The following PCNX2 variants were observed in gnomAD, a reference collection of about 807,000 sequenced individuals.
PCNX2 encodes pecanex-like protein 2.
Under a neutral mutation model 223.8 loss-of-function variants are expected in PCNX2, and 168 were observed. The observed-to-expected ratio is 0.75, with a 90% CI of 0.66 to 0.85. PCNX2 has a LOEUF of 0.85. PCNX2 is among the 40% of genes least tolerant of loss of function. The probability of loss-of-function intolerance (pLI) is 0.00; values close to 1 mark genes in which losing one functional copy is unlikely to be tolerated. For missense variants in PCNX2, 2,507 were observed against 2,675.5 expected, an observed-to-expected ratio of 0.94 and a Z score of 1.39; for synonymous variants, 1,006 against 1,052.6, an observed-to-expected ratio of 0.96 and a Z score of 0.86.
chr1:233,258,893 C>T lies in PCNX2; in HGVS notation c.969G>A (p.Val323=). 3 of 1,613,924 alleles carry T rather than the reference C, an allele frequency of 1.9e-6. No homozygotes were observed. Among genetic ancestry groups the T allele is most frequent in the South Asian group, 2.2e-5 (2 of 91,084 alleles). The part of the protein sequence containing the change: ...PQCDTIVAKP[V]EEPADTSCQV... ...GACAGGATGTGTCTGCTGGCTCCTC[C>T]ACAGGCTTGGCCACGATGGTGTCAC... Residue 323 remains valine (V), a synonymous_variant, in exon 5 of 34, where the codon GTG becomes GTA. Coordinates refer to ENST00000258229, the MANE Select transcript of PCNX2 (RefSeq NM_014801.4).
In PCNX2 at chr1:233,253,275, T is replaced by C. The variant is rs1003209777; in HGVS notation, c.1835-487A>G. ...CTGAATTTTCAAGCTAAAGCTAGAA[T>C]TGTCCCCTTCATAAAGCAAATACTT... is the stretch of plus-strand genomic sequence containing the variant. On this transcript the variant is annotated intron_variant, in intron 5 of 33. Coordinates refer to ENST00000258229, the MANE Select transcript of PCNX2 (RefSeq NM_014801.4). This position sits in a 1 kb window ranked among gnomAD's most constrained non-coding sequence, Gnocchi z 4.2. Among the ~76,000 whole-genome samples, 3 of 152,232 alleles carry C rather than the reference T, an allele frequency of 2.0e-5. No individual in the cohort carries two copies. Among genetic ancestry groups the C allele is most frequent in the East Asian group, 3.9e-4 (2 of 5,194 alleles).
chr1:233,179,021 T>TG (rs375555192), intron 16 of PCNX2, 45 bp downstream of exon 16: 4 of 1,553,722 alleles, frequency 2.6e-6, no homozygotes, highest in African/African-American at 2.7e-5. Flanking sequence ...GCAGGAACTA[T>TG]GCCCCCAGCT....
rs565642084 is a variant in PCNX2 at position 233,118,487 on chromosome 1, C to A, written c.3837+16526G>T. 1.2e-4 allele frequency among the ~76,000 whole-genome samples: 9 copies of A among 77,396 alleles called. No homozygotes were observed. In the South Asian group the frequency reaches 3.9e-3, roughly 33 times the overall value. The allele number at this position is 77,396 out of a possible 152,430, so 50.8% of individuals were successfully genotyped here. A position where few individuals can be genotyped will look rare whatever the true frequency, so the allele number is the denominator to read the frequency against. ...TACCTACATAGAAAATCTCAAGGCA[C>A]CTACAAAAAAAAAAAAAAAAAAAAC... On this transcript the variant is annotated intron_variant, in intron 21 of 33. Transcript: ENST00000258229.
chr1:233,219,771 A>C (rs1336145044), intron 10 of PCNX2, among the ~76,000 whole-genome samples: 1 of 152,084 alleles, frequency 6.6e-6, no homozygotes, highest in Non-Finnish European at 1.5e-5. Context: ...TGATGAACCA[A>C]CATTAACACA....
chr1:233,295,998 C>CTTTTTTTTTTT (rs201102619), upstream of PCNX2, among the ~76,000 whole-genome samples: 6 of 96,884 alleles, frequency 6.2e-5, no homozygotes, highest in East Asian at 8.9e-4. The surrounding 1 kb of genome is among the most constrained non-coding windows in gnomAD (Gnocchi z 4.1). Context: ...TTCTTTCTTT[C>CTTTTTTTTTTT]TTTCTTTTTT....
chr1:233,223,494 T>C (rs1360546478), intron 10 of PCNX2, among the ~76,000 whole-genome samples: 1 of 152,180 alleles, frequency 6.6e-6, no homozygotes, highest in Non-Finnish European at 1.5e-5. Flanking sequence ...GTGCAGAACG[T>C]GCAGGTTTTT....
At chr1:233,267,373 A>C (rs10910123) in intron 1 of PCNX2, among the ~76,000 whole-genome samples, 2 of 151,984 alleles carry the variant, frequency 1.3e-5, no homozygotes, top group Admixed American at 6.5e-5. Flanking sequence ...AAATATATAT[A>C]ATACAAAATT....
intron 23 of PCNX2, among the ~76,000 whole-genome samples, chr1:233,082,593 G>A (rs561633133): frequency 1.3e-5 from 2 of 152,268 alleles, no homozygotes; most frequent in African/African-American, 4.8e-5. Flanking sequence ...TAAAGGAAGG[G>A]CAGCTTTTAA....
At chr1:233,204,112 T>C (rs925963447) in intron 13 of PCNX2, among the ~76,000 whole-genome samples, 1 of 152,154 alleles carries the variant, frequency 6.6e-6, no homozygotes, top group African/African-American at 2.4e-5. Context: ...TTGCAGATTA[T>C]TGAGTTAAGC....
the PCNX2 span, among the ~76,000 whole-genome samples, chr1:233,309,419 T>C: frequency 6.6e-6 from 1 of 151,512 alleles, no homozygotes; most frequent in East Asian, 1.9e-4. Flanking sequence ...CGGCCTCCTG[T>C]AATCTCAGCT....
At chr1:233,014,514 G>A in intron 28 of PCNX2, 151 bp downstream of exon 28, 1 of 631,082 alleles carries the variant, frequency 1.6e-6, no homozygotes, top group Non-Finnish European at 2.8e-6. Context: ...AAATGTTCAT[G>A]TAGGCCCAAT....
At chr1:233,167,261 G>A (rs758487380) in intron 17 of PCNX2, among the ~76,000 whole-genome samples, 2 of 152,118 alleles carry the variant, frequency 1.3e-5, no homozygotes, top group Non-Finnish European at 2.9e-5. Flanking sequence ...TGAACCTGGA[G>A]CACATTTTGC....
At chr1:233,124,758 G>C (rs1207866795) in intron 21 of PCNX2, among the ~76,000 whole-genome samples, 1 of 152,348 alleles carries the variant, frequency 6.6e-6, no homozygotes, top group Non-Finnish European at 1.5e-5. Flanking sequence ...TTGCAGGCTA[G>C]TCTTTGCATC....
At chr1:233,294,106 T>A (rs943558343) in intron 1 of PCNX2, 1 of 588,014 alleles carries the variant, frequency 1.7e-6, no homozygotes, top group African/African-American at 2.0e-5. Context: ...TTTAATGATA[T>A]GAATGCTAAG....
chr1:233,003,730 C>G (rs1401044354), intron 28 of PCNX2, among the ~76,000 whole-genome samples: 1 of 152,136 alleles, frequency 6.6e-6, no homozygotes, highest in Admixed American at 6.5e-5. Flanking sequence ...CTATTCACAA[C>G]AGCAAAGACT....
intron 28 of PCNX2, among the ~76,000 whole-genome samples, chr1:233,003,581 G>A (rs1377972212): frequency 6.6e-6 from 1 of 152,198 alleles, no homozygotes; most frequent in Non-Finnish European, 1.5e-5. Flanking sequence ...AACCATTGTG[G>A]AAGACAGTGT....
At chr1:233,206,872 A>G (rs1282376796) in intron 13 of PCNX2, among the ~76,000 whole-genome samples, 3 of 151,980 alleles carry the variant, frequency 2.0e-5, no homozygotes, top group Non-Finnish European at 4.4e-5. Context: ...TTAGCCGGGC[A>G]TGGTGGCACA....
chr1:233,291,149 A>C lies in PCNX2; in HGVS notation c.153+4177T>G, dbSNP rs944110707. The C allele has an allele frequency of 4.2e-6, 4 of 953,548 alleles. No homozygotes were observed. The African/African-American group carries it at 7.1e-5, about 17-fold the overall frequency. 59.1% of individuals were successfully genotyped at this position (953,548 alleles called of 1,614,324 possible). ...ACTCGGATGCTACAGGACCTCAGCTAAATGCTGGATTTTACCACTGACTAT... is the reference window on the plus strand; with the variant it reads ...ACTCGGATGCTACAGGACCTCAGCTCAATGCTGGATTTTACCACTGACTAT... On this transcript the variant is annotated intron_variant, in intron 1 of 33. Transcript: ENST00000258229.
In PCNX2 at chr1:233,025,081, T is replaced by A. The variant is rs1671032778; in HGVS notation, c.4605+65A>T. ...TTCAAAATTTAGCTTTCGACAGAGC[T>A]CTTTCGGAGCTTCCTGTGCCATCCT... On this transcript the variant is annotated intron_variant, in intron 26 of 33. Coordinates refer to ENST00000258229, the MANE Select transcript of PCNX2 (RefSeq NM_014801.4). 3 of 1,583,152 alleles carry A rather than the reference T, an allele frequency of 1.9e-6. No homozygotes were observed. The African/African-American group carries it at 4.0e-5, about 21-fold the overall frequency.
Sources: gnomAD v4.1 joint callset for allele counts (sites outside exome capture counted in the v4.1 genomes callset) on GRCh38, gnomAD v4.1.1 for gene constraint, Gnocchi (gnomAD v3.1) non-coding constraint, MANE v1.5 for transcripts, NCBI Gene and HGNC (gene_info 2026-07-23, HGNC 2026-07-21) for gene names.